The following WWOX variants were observed in gnomAD, a reference collection of about 807,000 sequenced individuals.
WWOX encodes the protein WW domain-containing oxidoreductase.
A neutral mutation model predicts 46.2 loss-of-function variants in WWOX; 69 were observed. That is an observed-to-expected ratio of 1.49 (90% CI 1.23 to 1.82). The LOEUF (loss-of-function observed/expected upper bound fraction) is 1.82, where lower values mean the gene tolerates loss of function less well. WWOX is among the 40% of genes most tolerant of loss of function. The pLI, the probability that WWOX is intolerant of heterozygous loss-of-function variation, is 0.00. For synonymous variants in WWOX, 359 were observed against 202.6 expected (o/e 1.77, Z -6.56); for missense variants, 919 against 542.6 (o/e 1.69, Z -6.89).
At chr16:79,168,313 C>T (rs141582619) in intron 8 of WWOX, among the ~76,000 whole-genome samples, 1 of 152,186 alleles carries the variant, frequency 6.6e-6, no homozygotes, top group Non-Finnish European at 1.5e-5. Flanking sequence ...AAACTGCTAT[C>T]CACAGTGGCT....
Position 79,211,766 on chromosome 16 carries a change from C to G in WWOX, c.1215C>G (p.Ile405Met). Reference sequence around the variant, plus strand: ...TGTGGGCGCTCAGCGAGAGGCTGATCCAAGAACGGCTTGGCAGCCAGTCCG... The same window carrying G: ...TGTGGGCGCTCAGCGAGAGGCTGATGCAAGAACGGCTTGGCAGCCAGTCCG... ...RTLWALSERL[I>M]QERLGSQSG is the part of the protein sequence containing the mutation. The change falls in exon 9 of 9, where the codon ATC becomes ATG. Residue 405 changes from isoleucine (I) to methionine (M), a missense_variant. Coordinates refer to ENST00000566780, the MANE Select transcript of WWOX (RefSeq NM_016373.4). The G allele has an allele frequency of 1.2e-6, 2 of 1,614,126 alleles. No individual in the cohort carries two copies. The highest frequency in any genetic ancestry group is 2.7e-5 in the African/African-American group (2 of 75,068).
chr16:79,175,719 G>A (rs901093205), intron 8 of WWOX, among the ~76,000 whole-genome samples: 2 of 152,250 alleles, frequency 1.3e-5, no homozygotes, highest in Middle Eastern at 3.4e-3. Context: ...TCCTGGCACC[G>A]ATGTTTAACA....
intron 8 of WWOX, among the ~76,000 whole-genome samples, chr16:78,926,540 T>G (rs1473905017): frequency 1.3e-5 from 2 of 152,190 alleles, no homozygotes; most frequent in Admixed American, 1.3e-4. Context: ...TTTAAAAACT[T>G]GTTTTCAGTC....
chr16:78,676,639 T>C (rs2047606781), intron 8 of WWOX, among the ~76,000 whole-genome samples: 1 of 152,200 alleles, frequency 6.6e-6, no homozygotes, highest in South Asian at 2.1e-4. Flanking sequence ...GGGCTGGATG[T>C]TCTGCATATT....
At chr16:78,359,656 G>A (rs572138850) in intron 5 of WWOX, among the ~76,000 whole-genome samples, 55 of 152,166 alleles carry the variant, frequency 3.6e-4, no homozygotes, top group Middle Eastern at 6.8e-3. Context: ...CAGAGATACC[G>A]TAACATTTAA....
rs369306893 is a variant in WWOX, at chr16:78,425,247, T to G, written c.791+192T>G. On this transcript the variant is annotated intron_variant, in intron 7 of 8. Transcript: ENST00000566780. The stretch of plus-strand genomic sequence containing the variant: ...TTGTGGGGGACTGTTTAGAAGGACT[T>G]TCTAGAGCAAGGAAGATTGTTTTTA... Among the ~76,000 whole-genome samples, 23 of 152,272 alleles carry G rather than the reference T, an allele frequency of 1.5e-4. No individual in the cohort carries two copies. The South Asian group carries it at 3.1e-3, about 21-fold the overall frequency.
intron 5 of WWOX, among the ~76,000 whole-genome samples, chr16:78,193,154 G>A (rs28562472): frequency 0.21 from 31,816 of 152,082 alleles, 3,569 homozygotes; most frequent in African/African-American, 0.29. Context: ...TCATGTGTGC[G>A]TCATATTGTC....
At chr16:78,640,221 GTT>G (rs1234864823) in intron 8 of WWOX, among the ~76,000 whole-genome samples, 2 of 98,028 alleles carry the variant, frequency 2.0e-5, no homozygotes, top group Non-Finnish European at 4.1e-5. Flanking sequence ...TCTTCTTGTT[GTT>G]GGGTTTTTTT....
chr16:78,399,583 C>G (rs1597166364), intron 6 of WWOX, among the ~76,000 whole-genome samples: 1 of 152,142 alleles, frequency 6.6e-6, no homozygotes, highest in Admixed American at 6.5e-5. Flanking sequence ...GTGAGACCAC[C>G]CACGCAGACA....
chr16:78,422,734 C>CATATATAT (rs1567563407), intron 6 of WWOX, among the ~76,000 whole-genome samples: 2 of 86,048 alleles, frequency 2.3e-5, no homozygotes, highest in African/African-American at 2.0e-4. Flanking sequence ...TATATATACA[C>CATATATAT]ACACATATAT....
intron 5 of WWOX, among the ~76,000 whole-genome samples, chr16:78,312,676 G>A (rs894948070): frequency 2.6e-5 from 4 of 152,138 alleles, no homozygotes; most frequent in African/African-American, 9.7e-5. Flanking sequence ...TGCCTGGCTG[G>A]TTGTAGGCCT....
At chr16:78,239,334 C>G (rs1053117154) in intron 5 of WWOX, among the ~76,000 whole-genome samples, 1 of 152,140 alleles carries the variant, frequency 6.6e-6, no homozygotes, top group Non-Finnish European at 1.5e-5. Context: ...GCAAAGAAAG[C>G]AGGGTGGTCC....
chr16:78,727,176 A>G (rs2048855611), intron 8 of WWOX, among the ~76,000 whole-genome samples: 1 of 152,218 alleles, frequency 6.6e-6, no homozygotes. Flanking sequence ...AGGTGGGCAG[A>G]TCACTTGAGG....
intron 8 of WWOX, among the ~76,000 whole-genome samples, chr16:78,447,445 A>G (rs1394109812): frequency 6.6e-6 from 1 of 152,242 alleles, no homozygotes; most frequent in Non-Finnish European, 1.5e-5. Context: ...TAGAAGTGCT[A>G]AGTAAACTGT....
intron 8 of WWOX, among the ~76,000 whole-genome samples, chr16:78,548,781 T>C (rs1158336848): frequency 6.6e-6 from 1 of 152,208 alleles, no homozygotes; most frequent in Non-Finnish European, 1.5e-5. Context: ...TCAGGTTTGT[T>C]GGTTTGAAAA....
At chr16:78,397,552 C>T (rs2082316168) in intron 6 of WWOX, among the ~76,000 whole-genome samples, 1 of 152,162 alleles carries the variant, frequency 6.6e-6, no homozygotes, top group Non-Finnish European at 1.5e-5. Flanking sequence ...CTGTTGAGCT[C>T]AGCTTGCATA....
chr16:79,014,601 C>G (rs2047375789), intron 8 of WWOX, among the ~76,000 whole-genome samples: 1 of 152,166 alleles, frequency 6.6e-6, no homozygotes, highest in South Asian at 2.1e-4. Flanking sequence ...CTAGCCACTG[C>G]TTTTTGAGCA....
intron 8 of WWOX, among the ~76,000 whole-genome samples, chr16:78,750,552 A>G (rs1029578360): frequency 2.6e-5 from 4 of 152,202 alleles, no homozygotes; most frequent in Admixed American, 2.6e-4. Flanking sequence ...ATCTTGCAAG[A>G]TACTGAGATT....
intron 5 of WWOX, among the ~76,000 whole-genome samples, chr16:78,366,359 C>T (rs762934465): frequency 2.0e-5 from 3 of 152,154 alleles, no homozygotes; most frequent in Non-Finnish European, 4.4e-5. Context: ...TAACTCTTCA[C>T]GTTGTTTGAG....
Sources: gnomAD v4.1 joint callset for allele counts (sites outside exome capture counted in the v4.1 genomes callset) on GRCh38, gnomAD v4.1.1 for gene constraint, MANE v1.5 for transcripts, NCBI Gene and HGNC (gene_info 2026-07-23, HGNC 2026-07-21) for gene names.